CREB5: variants seen among roughly 807,000 people sequenced by gnomAD.
The protein encoded by CREB5 is cyclic AMP-responsive element-binding protein 5.
In CREB5, 19 loss-of-function variants were observed where a neutral mutation model predicts 57.1. The ratio of observed to expected loss-of-function variants is 0.33; its 90% confidence interval spans 0.23 to 0.49. The LOEUF (loss-of-function observed/expected upper bound fraction) is 0.49, where lower values mean the gene tolerates loss of function less well. Among genes scored for constraint, CREB5 ranks in the 20% least tolerant of loss-of-function variants. CREB5 has a pLI of 0.99. For missense variants in CREB5, 579 were observed against 671.6 expected (o/e 0.86, Z 1.52); for synonymous variants, 238 against 238.3 (o/e 1.00, Z 0.01).
At chr7:28,643,754 G>A (rs970465349) in intron 5 of CREB5, among the ~76,000 whole-genome samples, 13 of 91,612 alleles carry the variant, frequency 1.4e-4, no homozygotes, top group Admixed American at 1.3e-3. Flanking sequence ...TGGGAGGTGG[G>A]GGGGGGCGGA....
At chr7:28,670,904 T>C (rs1233861113) in intron 5 of CREB5, among the ~76,000 whole-genome samples, 1 of 152,164 alleles carries the variant, frequency 6.6e-6, no homozygotes, top group Non-Finnish European at 1.5e-5. Flanking sequence ...CTATGTTGCC[T>C]AGGCTGGTCT....
chr7:28,731,449 T>C (rs1053127255), intron 7 of CREB5, among the ~76,000 whole-genome samples: 1 of 152,196 alleles, frequency 6.6e-6, no homozygotes, highest in Admixed American at 6.5e-5. Context: ...AATTGAGAGA[T>C]GATTAATTGC....
At chr7:28,598,896 A>G (rs959381633) in intron 5 of CREB5, among the ~76,000 whole-genome samples, 2 of 152,208 alleles carry the variant, frequency 1.3e-5, no homozygotes, top group African/African-American at 4.8e-5. Context: ...ATTTTTAAAC[A>G]AGGGACACCT....
Position 28,611,604 on chromosome 7 carries a change from G to T in CREB5, c.464+41067G>T, listed in dbSNP as rs76950921. 4.6e-5 allele frequency among the ~76,000 whole-genome samples: 7 copies of T among 150,662 alleles called. 1 individual carries two copies. The East Asian group carries it at 1.4e-3, about 29-fold the overall frequency. ...GTATGAGAATCGCTTGAACACAGGA[G>T]GCCAGAGGTTGCAGTAAGCTGAGAT... On this transcript the variant is annotated intron_variant, in intron 5 of 10. Coordinates refer to ENST00000357727, the MANE Select transcript of CREB5 (RefSeq NM_182898.4).
chr7:28,672,202 C>CACAG (rs1171043896), intron 5 of CREB5, among the ~76,000 whole-genome samples: 1 of 151,616 alleles, frequency 6.6e-6, no homozygotes, highest in African/African-American at 2.4e-5. Context: ...CACACACACA[C>CACAG]ACACACACAC....
intron 5 of CREB5, among the ~76,000 whole-genome samples, chr7:28,575,883 C>T (rs1190361850): frequency 6.6e-6 from 1 of 152,146 alleles, no homozygotes; most frequent in Non-Finnish European, 1.5e-5. Flanking sequence ...AGGGGGCCGG[C>T]AGCCTTCCAC....
intron 4 of CREB5, among the ~76,000 whole-genome samples, chr7:28,536,519 G>A (rs17156823): frequency 0.12 from 17,810 of 152,166 alleles, 1,185 homozygotes; most frequent in East Asian, 0.25. Flanking sequence ...TTGCATTAGG[G>A]TTTGGCAGCT....
At chr7:28,755,484 C>A (rs1805248843) in intron 7 of CREB5, among the ~76,000 whole-genome samples, 2 of 152,056 alleles carry the variant, frequency 1.3e-5, no homozygotes, top group South Asian at 2.1e-4. Flanking sequence ...CCCAGCCAGA[C>A]CATAGAGGCT....
At chr7:28,689,198 C>T (rs774333682) in intron 5 of CREB5, among the ~76,000 whole-genome samples, 7 of 152,056 alleles carry the variant, frequency 4.6e-5, no homozygotes, top group South Asian at 4.2e-4. Context: ...TGGAGAGGGC[C>T]GAGCGCAGTG....
chr7:28,389,711 T>A (rs976390774), intron 1 of CREB5, among the ~76,000 whole-genome samples: 1 of 152,118 alleles, frequency 6.6e-6, no homozygotes, highest in African/African-American at 2.4e-5. Context: ...GGAGTTAAAT[T>A]TAAACCAAAA....
Position 28,804,529 on chromosome 7 carries a change from C to T in CREB5, c.1026+7C>T, listed in dbSNP as rs1808585611. ...CACCGGCAACCAAGCACAGGTAGAC[C>T]TTTTCCGTGATCTCTTTCCCCTTCT... On this transcript the variant is annotated splice_region_variant and intron_variant, in intron 8 of 10. Coordinates refer to ENST00000357727, the MANE Select transcript of CREB5 (RefSeq NM_182898.4). 3.1e-6 allele frequency: 5 copies of T among 1,611,834 alleles called. No individual in the cohort carries two copies. The East Asian group carries it at 1.1e-4, about 36-fold the overall frequency.
intron 7 of CREB5, among the ~76,000 whole-genome samples, chr7:28,774,932 TCC>T (rs938660359): frequency 2.6e-4 from 39 of 152,292 alleles, no homozygotes; most frequent in African/African-American, 8.7e-4. Context: ...TCCCACCATC[TCC>T]CAAGTGGTAT....
At chr7:28,763,773 A>G (rs184348741) in intron 7 of CREB5, among the ~76,000 whole-genome samples, 21 of 150,802 alleles carry the variant, frequency 1.4e-4, no homozygotes, top group Admixed American at 1.3e-3. Flanking sequence ...ATTTGAAAGC[A>G]TGATGTAATC....
chr7:28,725,206 G>A (rs1362685227), intron 7 of CREB5, among the ~76,000 whole-genome samples: 1 of 152,232 alleles, frequency 6.6e-6, no homozygotes, highest in Non-Finnish European at 1.5e-5. Context: ...ATTAGAGACT[G>A]TATCTGATGG....
chr7:28,805,286 C>CA (rs1427984141), intron 8 of CREB5, among the ~76,000 whole-genome samples: 9 of 152,050 alleles, frequency 5.9e-5, no homozygotes, highest in Admixed American at 2.0e-4. Flanking sequence ...TTATGTCACC[C>CA]ACGGCCAAGA....
chr7:28,366,263 A>T (rs1001050794), intron 1 of CREB5, among the ~76,000 whole-genome samples: 1 of 152,158 alleles, frequency 6.6e-6, no homozygotes, highest in Non-Finnish European at 1.5e-5. Context: ...AGATTTAGTT[A>T]TTATTGTAGT....
chr7:28,392,853 C>A (rs1477953528), intron 1 of CREB5, among the ~76,000 whole-genome samples: 1 of 152,180 alleles, frequency 6.6e-6, no homozygotes, highest in Admixed American at 6.5e-5. Flanking sequence ...AGGTTTACTG[C>A]CACCTCAGAC....
At chr7:28,557,851 C>A (rs1342349310) in intron 4 of CREB5, among the ~76,000 whole-genome samples, 1 of 152,128 alleles carries the variant, frequency 6.6e-6, no homozygotes, top group Non-Finnish European at 1.5e-5. Context: ...AATGAAATCA[C>A]AGTGGTAATA....
At chr7:28,465,179 T>A (rs1223248573) in intron 1 of CREB5, among the ~76,000 whole-genome samples, 1 of 152,216 alleles carries the variant, frequency 6.6e-6, no homozygotes, top group Non-Finnish European at 1.5e-5. Flanking sequence ...GAGACTCTAG[T>A]AGGTACTGTA....
Sources: gnomAD v4.1 joint callset for allele counts (sites outside exome capture counted in the v4.1 genomes callset) on GRCh38, gnomAD v4.1.1 for gene constraint, MANE v1.5 for transcripts, NCBI Gene and HGNC (gene_info 2026-07-23, HGNC 2026-07-21) for gene names.